GLIS3: variants seen among roughly 807,000 people sequenced by gnomAD.
GLIS3 encodes the protein GLIS family zinc finger 3.
Under a neutral mutation model 78.6 loss-of-function variants are expected in GLIS3, and 53 were observed. The ratio of observed to expected loss-of-function variants is 0.67; its 90% confidence interval spans 0.54 to 0.85. The LOEUF (loss-of-function observed/expected upper bound fraction) is 0.85. Ranked by LOEUF, GLIS3 falls within the 40% of genes least tolerant of loss-of-function variation. The probability of loss-of-function intolerance (pLI) is 0.00; values close to 1 mark genes in which losing one functional copy is unlikely to be tolerated. For synonymous variants in GLIS3, 684 were observed against 509.9 expected (o/e 1.34, Z -4.60); for missense variants, 1,703 against 1,231.1 (o/e 1.38, Z -5.74).
the GLIS3 span, among the ~76,000 whole-genome samples, chr9:4,431,550 A>G: frequency 6.6e-6 from 1 of 152,150 alleles, no homozygotes; most frequent in Non-Finnish European, 1.5e-5. Flanking sequence ...GTTTTCTGTA[A>G]AAGGCCATAT....
chr9:3,869,239 T>TG (rs1174345414), intron 8 of GLIS3, among the ~76,000 whole-genome samples: 1 of 133,678 alleles, frequency 7.5e-6, no homozygotes, highest in Non-Finnish European at 1.7e-5. Flanking sequence ...TATACTACAT[T>TG]AAAGAGAGTG....
intron 4 of GLIS3, among the ~76,000 whole-genome samples, chr9:4,022,563 C>A (rs1822978259): frequency 6.6e-6 from 1 of 152,206 alleles, no homozygotes; most frequent in African/African-American, 2.4e-5. Flanking sequence ...ACCCAGCCAT[C>A]TCATTCCTAG....
At chr9:4,026,833 T>C (rs1823390576) in intron 4 of GLIS3, among the ~76,000 whole-genome samples, 3 of 152,210 alleles carry the variant, frequency 2.0e-5, no homozygotes, top group African/African-American at 7.2e-5. Flanking sequence ...ACTGTAAATA[T>C]GATCTCATTT....
chr9:3,947,604 G>C (rs1816388692), intron 4 of GLIS3, among the ~76,000 whole-genome samples: 1 of 152,174 alleles, frequency 6.6e-6, no homozygotes, highest in African/African-American at 2.4e-5. Flanking sequence ...TGCCAAGAGA[G>C]AAAAGGAAAT....
At chr9:4,131,422 T>A (rs1048413792) in intron 2 of GLIS3, among the ~76,000 whole-genome samples, 2 of 152,158 alleles carry the variant, frequency 1.3e-5, no homozygotes, top group East Asian at 3.9e-4. Context: ...ATGCCCAATT[T>A]TGGAGGTGGG....
intron 2 of GLIS3, among the ~76,000 whole-genome samples, chr9:4,255,399 A>C (rs78506461): frequency 3.3e-5 from 5 of 151,908 alleles, no homozygotes; most frequent in African/African-American, 1.2e-4. Flanking sequence ...GTCCACACAC[A>C]AAAAAAACCT....
At chr9:4,042,056 A>G (rs1824857055) in intron 4 of GLIS3, among the ~76,000 whole-genome samples, 1 of 152,208 alleles carries the variant, frequency 6.6e-6, no homozygotes, top group African/African-American at 2.4e-5. Flanking sequence ...CTCAAGCTAC[A>G]GGCCTCATCT....
intron 4 of GLIS3, among the ~76,000 whole-genome samples, chr9:4,106,860 C>T (rs932094852): frequency 6.6e-6 from 1 of 152,148 alleles, no homozygotes; most frequent in African/African-American, 2.4e-5. Context: ...ACATCACACA[C>T]ACTCACGGCT....
At chr9:4,329,761 C>G (rs1239630306) in intron 2 of GLIS3, among the ~76,000 whole-genome samples, 3 of 152,066 alleles carry the variant, frequency 2.0e-5, no homozygotes, top group African/African-American at 7.2e-5. Context: ...ATACCTCTAG[C>G]AATGGGGAAC....
intron 4 of GLIS3, among the ~76,000 whole-genome samples, chr9:4,028,712 G>C (rs1480520403): frequency 7.5e-5 from 10 of 133,706 alleles, no homozygotes; most frequent in Non-Finnish European, 7.8e-5. Context: ...CTTTTGAATT[G>C]AGTAAGATTT....
chr9:4,117,497 C>T (rs535744533), intron 4 of GLIS3, among the ~76,000 whole-genome samples: 1 of 152,302 alleles, frequency 6.6e-6, no homozygotes, highest in Admixed American at 6.5e-5. Context: ...TGGTACCTGG[C>T]TGGCATCTCC....
At chr9:3,917,432 T>C (rs17694370) in intron 6 of GLIS3, among the ~76,000 whole-genome samples, 1 of 152,160 alleles carries the variant, frequency 6.6e-6, no homozygotes, top group Non-Finnish European at 1.5e-5. Flanking sequence ...AAACCCTCCA[T>C]TGAAATTCAT....
At chr9:4,254,365 A>G (rs1412708268) in intron 2 of GLIS3, among the ~76,000 whole-genome samples, 1 of 152,236 alleles carries the variant, frequency 6.6e-6, no homozygotes, top group African/African-American at 2.4e-5. Context: ...ATCTTGAGAA[A>G]TACAGAATTT....
At chr9:4,471,691 C>T in the GLIS3 span, among the ~76,000 whole-genome samples, 1 of 152,162 alleles carries the variant, frequency 6.6e-6, no homozygotes. Flanking sequence ...AAGCCATCGG[C>T]ATGGGCAAGG....
chr9:4,218,883 T>C (rs572142167), intron 2 of GLIS3, among the ~76,000 whole-genome samples: 17 of 152,324 alleles, frequency 1.1e-4, no homozygotes, highest in Middle Eastern at 3.4e-3. Context: ...AACACTTTCA[T>C]GGCTTTATCT....
At chr9:4,340,971 C>T (rs1284779159) in intron 2 of GLIS3, among the ~76,000 whole-genome samples, 2 of 152,212 alleles carry the variant, frequency 1.3e-5, no homozygotes, top group Non-Finnish European at 2.9e-5. Flanking sequence ...GCCACCGTGC[C>T]TGGCCTCACC....
chr9:4,034,376 C>T (rs1309238147), intron 4 of GLIS3, among the ~76,000 whole-genome samples: 5 of 152,302 alleles, frequency 3.3e-5, no homozygotes, highest in East Asian at 1.9e-4. Flanking sequence ...TAAACCAGAG[C>T]TCCTGGTATG....
intron 6 of GLIS3, among the ~76,000 whole-genome samples, chr9:3,907,847 G>T (rs1398884081): frequency 6.6e-6 from 1 of 152,106 alleles, no homozygotes; most frequent in African/African-American, 2.4e-5. Context: ...CTGAATCCTT[G>T]GCTCACAGTG....
intron 2 of GLIS3, among the ~76,000 whole-genome samples, chr9:4,169,451 C>T (rs1816174335): frequency 6.6e-6 from 1 of 152,094 alleles, no homozygotes; most frequent in Non-Finnish European, 1.5e-5. Context: ...GATCTGGGTG[C>T]CAGTCTCACA....
Sources: allele counts gnomAD v4.1 joint callset (sites outside exome capture counted in the v4.1 genomes callset), GRCh38; gene constraint gnomAD v4.1.1; transcripts MANE v1.5; gene names NCBI Gene and HGNC (gene_info 2026-07-23, HGNC 2026-07-21).